The following SMOC1 variants were observed in gnomAD, a reference collection of about 807,000 sequenced individuals.
SMOC1 encodes SPARC-related modular calcium-binding protein 1.
A neutral mutation model predicts 56.3 loss-of-function variants in SMOC1; 22 were observed. The ratio of observed to expected loss-of-function variants is 0.39; its 90% CI spans 0.28 to 0.56. The LOEUF is 0.56. Ranked by LOEUF, SMOC1 falls within the 20% of genes least tolerant of loss-of-function variation. The pLI is 0.61. For missense variants in SMOC1, 509 were observed against 565.4 expected (o/e 0.90, Z 1.01); for synonymous variants, 193 against 215.0 (o/e 0.90, Z 0.89).
At chr14:69,895,848 T>TC (rs397824680) in intron 1 of SMOC1, among the ~76,000 whole-genome samples, 42 of 146,314 alleles carry the variant, frequency 2.9e-4, no homozygotes, top group Admixed American at 2.1e-3. Context: ...CCTTTTTTTT[T>TC]CCTTCCTTCT....
intron 1 of SMOC1, chr14:69,885,265 T>C: frequency 3.2e-6 from 3 of 926,986 alleles, no homozygotes; most frequent in Non-Finnish European, 4.7e-6. Context: ...TCGAACAACT[T>C]CTTTTTTTTT....
intron 7 of SMOC1, among the ~76,000 whole-genome samples, chr14:70,005,093 T>G (rs1247232674): frequency 6.6e-6 from 1 of 152,246 alleles, no homozygotes; most frequent in African/African-American, 2.4e-5. Context: ...GAAGGCAGTG[T>G]CTAGAAAGAA....
At chr14:69,942,597 T>C (rs916087361) in intron 1 of SMOC1, among the ~76,000 whole-genome samples, 4 of 152,242 alleles carry the variant, frequency 2.6e-5, no homozygotes, top group African/African-American at 9.6e-5. Context: ...CTGGTAATCA[T>C]TAATCCAATT....
At chr14:69,946,895 C>T (rs1021193623) in intron 1 of SMOC1, among the ~76,000 whole-genome samples, 1 of 151,912 alleles carries the variant, frequency 6.6e-6, no homozygotes, top group African/African-American at 2.4e-5. Flanking sequence ...GTGTTTGATC[C>T]ACCCCCCATC....
At chr14:70,018,060 G>A (rs1885580862) in intron 10 of SMOC1, among the ~76,000 whole-genome samples, 1 of 152,184 alleles carries the variant, frequency 6.6e-6, no homozygotes, top group African/African-American at 2.4e-5. Context: ...GCTGGGGACA[G>A]GTAGGAGATG....
chr14:69,886,286 A>G (rs1031887972), intron 1 of SMOC1: 3 of 608,208 alleles, frequency 4.9e-6, no homozygotes, highest in Non-Finnish European at 8.7e-6. Context: ...GCCCTTTAGC[A>G]TTTCATGCAT....
At chr14:69,972,315 C>T (rs1883790097) in intron 3 of SMOC1, among the ~76,000 whole-genome samples, 1 of 152,194 alleles carries the variant, frequency 6.6e-6, no homozygotes, top group South Asian at 2.1e-4. Context: ...GGCTGATTCA[C>T]TCGGGGCTCC....
chr14:69,995,769 T>C (rs1884740815), intron 7 of SMOC1, among the ~76,000 whole-genome samples: 1 of 152,230 alleles, frequency 6.6e-6, no homozygotes, highest in South Asian at 2.1e-4. Context: ...TTTATTATTA[T>C]CATTATTATT....
intron 1 of SMOC1, among the ~76,000 whole-genome samples, chr14:69,892,413 TG>T (rs1354537303): frequency 2.6e-5 from 4 of 152,198 alleles, no homozygotes; most frequent in Admixed American, 2.6e-4. Context: ...TGAAGGTAAT[TG>T]GGGAAATTTA....
At chr14:69,964,539 G>A (rs1055659754) in intron 3 of SMOC1, among the ~76,000 whole-genome samples, 4 of 151,884 alleles carry the variant, frequency 2.6e-5, no homozygotes, top group African/African-American at 9.7e-5. Flanking sequence ...CACCACGCCC[G>A]GCTAATTTTT....
At chr14:69,922,114 C>T (rs952955487) in intron 1 of SMOC1, among the ~76,000 whole-genome samples, 18 of 152,324 alleles carry the variant, frequency 1.2e-4, no homozygotes, top group Admixed American at 1.2e-3. Context: ...ATACAGAGCT[C>T]GGGCTTCAAA....
At chr14:69,986,950 G>A (rs1447809828) in intron 5 of SMOC1, among the ~76,000 whole-genome samples, 1 of 152,160 alleles carries the variant, frequency 6.6e-6, no homozygotes, top group African/African-American at 2.4e-5. Context: ...TCTGAGCCTC[G>A]CTGGTCATGG....
rs139752589 is a variant in SMOC1, at chr14:69,910,769, G to A, written c.99+30992G>A. ...TGGTCAGGATCCCTCCTGAGCAGACGGATTTTCCATGGCCTGACTTGTAGG... is the reference window on the plus strand; with the variant it reads ...TGGTCAGGATCCCTCCTGAGCAGACAGATTTTCCATGGCCTGACTTGTAGG... On this transcript the variant is annotated intron_variant, in intron 1 of 11. Transcript: ENST00000361956. Among the ~76,000 whole-genome samples, 9 of 152,242 alleles carry A rather than the reference G, an allele frequency of 5.9e-5. 2 individuals are homozygous for A. Among genetic ancestry groups the A allele is most frequent in the Admixed American group, 1.3e-4 (2 of 15,292 alleles).
intron 7 of SMOC1, among the ~76,000 whole-genome samples, chr14:69,998,758 C>T (rs1884865137): frequency 6.6e-6 from 1 of 152,210 alleles, no homozygotes; most frequent in Non-Finnish European, 1.5e-5. Context: ...CCACTCATTT[C>T]CTTCTGCCCT....
At chr14:69,887,050 A>T (rs1419268317) in intron 1 of SMOC1, among the ~76,000 whole-genome samples, 3 of 152,200 alleles carry the variant, frequency 2.0e-5, no homozygotes, top group Non-Finnish European at 4.4e-5. Context: ...TATGTTTATA[A>T]TATCACATGC....
chr14:70,016,606 T>G (rs1278609483), intron 10 of SMOC1, among the ~76,000 whole-genome samples: 1 of 152,230 alleles, frequency 6.6e-6, no homozygotes, highest in Non-Finnish European at 1.5e-5. Flanking sequence ...ATCTTCCCAC[T>G]GTATTCAGCA....
rs527799118 is a variant in SMOC1 at position 69,936,074 on chromosome 14, A to G, written c.100-16064A>G. ...CTCCCCTACCTGAAGCTAGAGCTGC[A>G]TGTCTTGCAAGGTCTTATTTTTGGC... On this transcript the variant is annotated intron_variant, in intron 1 of 11. Coordinates refer to ENST00000361956, the MANE Select transcript of SMOC1 (RefSeq NM_001034852.3). 3.9e-5 allele frequency among the ~76,000 whole-genome samples: 6 copies of G among 152,242 alleles called. No homozygotes were observed. In the East Asian group the frequency reaches 1.2e-3, roughly 29 times the overall value.
chr14:69,981,735 A>C (rs1415049873), intron 5 of SMOC1, among the ~76,000 whole-genome samples: 3 of 152,196 alleles, frequency 2.0e-5, no homozygotes, highest in African/African-American at 4.8e-5. Flanking sequence ...AGTAGATTGG[A>C]AGCAGAATGG....
At chr14:70,002,500 A>C (rs1885003976) in intron 7 of SMOC1, among the ~76,000 whole-genome samples, 1 of 152,178 alleles carries the variant, frequency 6.6e-6, no homozygotes, top group Admixed American at 6.5e-5. Flanking sequence ...CTATTTGGAA[A>C]GGAGCCCTGA....
Sources: gnomAD v4.1 joint callset for allele counts (sites outside exome capture counted in the v4.1 genomes callset) on GRCh38, gnomAD v4.1.1 for gene constraint, MANE v1.5 for transcripts, NCBI Gene and HGNC (gene_info 2026-07-23, HGNC 2026-07-21) for gene names.